LRBA: variants seen among roughly 807,000 people sequenced by gnomAD.
LRBA encodes the protein lipopolysaccharide-responsive and beige-like anchor protein.
LRBA carries 176 observed loss-of-function variants against 330.0 expected under a neutral mutation model. The observed-to-expected ratio is 0.53, with a 90% confidence interval of 0.47 to 0.60. The LOEUF (loss-of-function observed/expected upper bound fraction) is 0.60. LRBA is among the 20% of genes least tolerant of loss of function. The probability of loss-of-function intolerance (pLI) is 0.00; values close to 1 mark genes in which losing one functional copy is unlikely to be tolerated. For missense variants in LRBA, 3,259 were observed against 3,444.8 expected, an observed-to-expected ratio of 0.95 and a Z score of 1.35; for synonymous variants, 1,230 against 1,193.0, an observed-to-expected ratio of 1.03 and a Z score of -0.64.
intron 36 of LRBA, among the ~76,000 whole-genome samples, chr4:150,732,844 G>A (rs752072038): frequency 7.2e-5 from 11 of 151,790 alleles, no homozygotes; most frequent in Admixed American, 7.2e-4. Flanking sequence ...TTCCAAATAT[G>A]TTTCTGAAGT....
chr4:150,638,933 G>T (rs1354079236), intron 37 of LRBA, among the ~76,000 whole-genome samples: 1 of 95,230 alleles, frequency 1.1e-5, no homozygotes, highest in African/African-American at 4.1e-5. Context: ...ATTCACAATA[G>T]CAAAGACTTG....
intron 28 of LRBA, among the ~76,000 whole-genome samples, chr4:150,834,493 A>G (rs1245735439): frequency 2.0e-5 from 3 of 152,206 alleles, no homozygotes; most frequent in Admixed American, 6.5e-5. Context: ...TTGATTATCA[A>G]TGAGCAGTAA....
chr4:150,601,790 CA>C (rs1774141188), intron 37 of LRBA, among the ~76,000 whole-genome samples: 1 of 151,348 alleles, frequency 6.6e-6, no homozygotes, highest in Non-Finnish European at 1.5e-5. Flanking sequence ...TTCCTGGGTT[CA>C]CACCATTCTC....
chr4:150,926,979 G>A (rs1447547016), intron 4 of LRBA, among the ~76,000 whole-genome samples: 1 of 151,802 alleles, frequency 6.6e-6, no homozygotes, highest in Admixed American at 6.6e-5. Flanking sequence ...GCTGAGGTAG[G>A]AGAATTGCTT....
rs1465985428 is a variant in LRBA at position 150,914,296 on chromosome 4, T to C, written c.1060A>G (p.Asn354Asp). ...FLGSSETADA[N>D]RVFCGQMTAV... is the part of the protein sequence containing the mutation. ...GTCATCTGACCACAGAATACTCTATTAGCATCTGCTGTTTCTGATGAGCCC... is the reference window on the plus strand; with the variant it reads ...GTCATCTGACCACAGAATACTCTATCAGCATCTGCTGTTTCTGATGAGCCC... The change falls in exon 9 of 57, where the codon AAT (asparagine) becomes GAT (aspartate). Residue 354 changes from asparagine (N) to aspartate (D), a missense_variant. Transcript: ENST00000651943. 2.5e-6 allele frequency: 4 copies of C among 1,597,666 alleles called. No individual in the cohort carries two copies. The highest frequency in any genetic ancestry group is 3.4e-6 in the Non-Finnish European group (4 of 1,170,528).
At chr4:150,417,759 T>C (rs1164951237) in intron 46 of LRBA, among the ~76,000 whole-genome samples, 1 of 152,142 alleles carries the variant, frequency 6.6e-6, no homozygotes, top group East Asian at 1.9e-4. Flanking sequence ...AAAATATACC[T>C]AAATGCATAG....
intron 55 of LRBA, among the ~76,000 whole-genome samples, chr4:150,280,930 G>A (rs552193923): frequency 6.6e-6 from 1 of 152,268 alleles, no homozygotes; most frequent in South Asian, 2.1e-4. Flanking sequence ...CAGGAGTGCT[G>A]GGAAAAAGGC....
chr4:150,806,428 T>G (rs1328796701), intron 32 of LRBA, 24 bp from the exon 33 acceptor site: 1 of 1,548,828 alleles, frequency 6.5e-7, no homozygotes. Flanking sequence ...ATTAAGTTAC[T>G]TGAACTATTC....
intron 22 of LRBA, among the ~76,000 whole-genome samples, chr4:150,857,519 G>T (rs1239472461): frequency 6.6e-6 from 1 of 152,036 alleles, no homozygotes; most frequent in Admixed American, 6.6e-5. Context: ...GTATAAACTG[G>T]TACAAATTTT....
In LRBA at chr4:150,979,985, C is replaced by G. The variant is rs191350264; in HGVS notation, c.216+34442G>C. Among the ~76,000 whole-genome samples the G allele has an allele frequency of 5.9e-3, 891 of 152,198 alleles. 6 individuals carry two copies. Among genetic ancestry groups the G allele is most frequent in the African/African-American group, 0.02 (827 of 41,514 alleles). On this transcript the variant is annotated intron_variant, in intron 2 of 56. Transcript: ENST00000651943. The stretch of plus-strand genomic sequence containing the variant: ...CTCATTCAACATGGCCAGTATTACC[C>G]TGATACCAAAAGAGACAAAGACATA...
intron 37 of LRBA, among the ~76,000 whole-genome samples, chr4:150,651,083 T>C (rs918691256): frequency 6.6e-6 from 1 of 152,210 alleles, no homozygotes; most frequent in Non-Finnish European, 1.5e-5. Context: ...TTAAATTTTA[T>C]GGCAAAAGTT....
In LRBA at chr4:150,650,058, T is replaced by A. The variant is rs527597228; in HGVS notation, c.5921+33493A>T. On this transcript the variant is annotated intron_variant, in intron 37 of 56. Coordinates refer to ENST00000651943, the MANE Select transcript of LRBA (RefSeq NM_001364905.1). ...ACTTTCTATATGCTAATTTATTTTA[T>A]TCTCATAACAATCCTTTAGAATAGA... Among the ~76,000 whole-genome samples the A allele has an allele frequency of 1.9e-3, 290 of 152,324 alleles. 3 individuals carry two copies. The highest frequency in any genetic ancestry group is 6.7e-3 in the African/African-American group (280 of 41,584).
At chr4:150,269,501 A>C (rs1745795426) in intron 56 of LRBA, among the ~76,000 whole-genome samples, 1 of 152,238 alleles carries the variant, frequency 6.6e-6, no homozygotes, top group South Asian at 2.1e-4. Flanking sequence ...AAAAACCTAA[A>C]TACAAATTAA....
At chr4:150,466,697 C>G (rs1755492463) in intron 44 of LRBA, among the ~76,000 whole-genome samples, 1 of 151,900 alleles carries the variant, frequency 6.6e-6, no homozygotes, top group Admixed American at 6.6e-5. Flanking sequence ...CTAGAAATTA[C>G]TAAGGAAAGA....
intron 2 of LRBA, among the ~76,000 whole-genome samples, chr4:151,005,898 C>G (rs559207604): frequency 9.9e-5 from 15 of 152,144 alleles, no homozygotes; most frequent in African/African-American, 3.6e-4. Flanking sequence ...GCCACCATGC[C>G]CGGCAACACT....
chr4:150,347,463 T>C (rs1166166016), intron 48 of LRBA, among the ~76,000 whole-genome samples: 1 of 152,024 alleles, frequency 6.6e-6, no homozygotes, highest in Non-Finnish European at 1.5e-5. Flanking sequence ...CTGGGCAACA[T>C]GGTGAGACCC....
At position 150,852,873 on chromosome 4, in the gene LRBA, T is replaced by C; in HGVS notation, c.2837A>G (p.Glu946Gly). Residue 946 changes from glutamate (E) to glycine (G), a missense_variant, in exon 23 of 57, where the codon GAA becomes GGA. Transcript: ENST00000651943. ...TGAAGTTGAAGAACACAGCCCTATT[T>C]CTTCATCAACTTTTCCTTGCTGTTC... ...FREQQGKVDE[E>G]IGLCSSTSVQ... 1 of 1,611,052 alleles carries C rather than the reference T, an allele frequency of 6.2e-7. No homozygotes were observed. The highest frequency in any genetic ancestry group is 8.5e-7 in the Non-Finnish European group (1 of 1,178,844).
intron 42 of LRBA, among the ~76,000 whole-genome samples, chr4:150,485,474 C>A (rs1404859121): frequency 2.0e-5 from 3 of 151,830 alleles, no homozygotes; most frequent in Non-Finnish European, 2.9e-5. Context: ...TAACAATTTG[C>A]AGAGAGAATA....
intron 28 of LRBA, among the ~76,000 whole-genome samples, chr4:150,841,447 G>A (rs1341520410): frequency 6.6e-6 from 1 of 152,074 alleles, no homozygotes; most frequent in African/African-American, 2.4e-5. Flanking sequence ...ACTGTGCTAT[G>A]TATTTCATAC....
Sources: gnomAD v4.1 joint callset for allele counts (sites outside exome capture counted in the v4.1 genomes callset) on GRCh38, gnomAD v4.1.1 for gene constraint, MANE v1.5 for transcripts, NCBI Gene and HGNC (gene_info 2026-07-23, HGNC 2026-07-21) for gene names.